MARCHF1: variants seen among roughly 807,000 people sequenced by gnomAD.
MARCHF1 encodes E3 ubiquitin-protein ligase MARCHF1.
Under a neutral mutation model 54.2 loss-of-function variants are expected in MARCHF1, and 40 were observed. The ratio of observed to expected loss-of-function variants is 0.74; its 90% confidence interval spans 0.57 to 0.96. The LOEUF is 0.96. MARCHF1 is among the 40% of genes least tolerant of loss of function. The pLI, the probability that MARCHF1 is intolerant of heterozygous loss-of-function variation, is 0.00. For missense variants in MARCHF1, 586 were observed against 656.5 expected (o/e 0.89, Z 1.17); for synonymous variants, 236 against 236.3 (o/e 1.00, Z 0.01).
chr4:164,370,660 G>A (rs1731012607), intron 1 of MARCHF1, among the ~76,000 whole-genome samples: 1 of 152,192 alleles, frequency 6.6e-6, no homozygotes. Flanking sequence ...TGTAATCCCA[G>A]CACTTTGGGA....
intron 8 of MARCHF1, chr4:163,584,128 G>A (rs1203423142): frequency 6.7e-6 from 1 of 150,274 alleles, no homozygotes; most frequent in Non-Finnish European, 1.5e-5. Flanking sequence ...TACTACAAAA[G>A]CTGGCGGTGG....
At chr4:163,891,548 AAAC>A (rs1385398197) in intron 3 of MARCHF1, among the ~76,000 whole-genome samples, 2 of 152,140 alleles carry the variant, frequency 1.3e-5, no homozygotes, top group African/African-American at 4.8e-5. Context: ...CACCGAAATG[AAAC>A]AACCACCAAA....
chr4:164,205,343 T>C (rs1457587203), intron 1 of MARCHF1, among the ~76,000 whole-genome samples: 4 of 152,318 alleles, frequency 2.6e-5, no homozygotes, highest in East Asian at 3.9e-4. Flanking sequence ...ATAGGCACTA[T>C]TGACACTTGT....
chr4:164,152,618 C>G (rs1003115847), intron 1 of MARCHF1, among the ~76,000 whole-genome samples: 1 of 152,292 alleles, frequency 6.6e-6, no homozygotes, highest in South Asian at 2.1e-4. Flanking sequence ...TCCCCTTCCC[C>G]CTTTGTTTTC....
At chr4:163,592,819 G>C (rs949668185) in intron 7 of MARCHF1, among the ~76,000 whole-genome samples, 5 of 151,986 alleles carry the variant, frequency 3.3e-5, no homozygotes, top group African/African-American at 1.2e-4. Context: ...GTGGGCCGGA[G>C]CCTCTTTGAA....
chr4:164,210,542 G>C (rs185268210), intron 1 of MARCHF1, among the ~76,000 whole-genome samples: 1 of 152,278 alleles, frequency 6.6e-6, no homozygotes, highest in Non-Finnish European at 1.5e-5. Flanking sequence ...ATGGGCTGGA[G>C]CTCTGAAGAT....
intron 2 of MARCHF1, among the ~76,000 whole-genome samples, chr4:164,005,916 C>T (rs1256867540): frequency 6.6e-6 from 1 of 152,052 alleles, no homozygotes; most frequent in Non-Finnish European, 1.5e-5. Context: ...TAAGGAATCA[C>T]CTAGAACCAA....
intron 5 of MARCHF1, among the ~76,000 whole-genome samples, chr4:163,677,047 A>T (rs939376877): frequency 6.6e-6 from 1 of 152,190 alleles, no homozygotes; most frequent in Non-Finnish European, 1.5e-5. Flanking sequence ...AAGGCATGAC[A>T]TAAGAATTTA....
At chr4:164,351,082 T>C (rs960700257) in intron 1 of MARCHF1, among the ~76,000 whole-genome samples, 4 of 152,152 alleles carry the variant, frequency 2.6e-5, no homozygotes, top group African/African-American at 9.6e-5. Context: ...CACCACAAGA[T>C]TATATCCCTC....
chr4:163,691,720 T>C (rs1480844442), intron 5 of MARCHF1, among the ~76,000 whole-genome samples: 1 of 152,158 alleles, frequency 6.6e-6, no homozygotes, highest in African/African-American at 2.4e-5. Context: ...AGAAGCTATG[T>C]TGAGGTGAAA....
chr4:164,203,076 T>C (rs954670474), intron 1 of MARCHF1, among the ~76,000 whole-genome samples: 2 of 152,038 alleles, frequency 1.3e-5, no homozygotes, highest in African/African-American at 4.8e-5. Context: ...CTCCTTGATA[T>C]AGACAATAGT....
Position 163,835,518 on chromosome 4 carries a change from T to C in MARCHF1, c.111+18503A>G, listed in dbSNP as rs372853462. Among the ~76,000 whole-genome samples, 21 of 152,332 alleles carry C rather than the reference T, an allele frequency of 1.4e-4. No individual in the cohort carries two copies. The South Asian group carries it at 4.1e-3, about 30-fold the overall frequency. On this transcript the variant is annotated intron_variant, in intron 4 of 9. Transcript: ENST00000514618. Reference sequence around the variant, plus strand: ...AAAATGTAGCCAATATTTCGAATTGTGTTCAAATAAGGCAAGCTCCAAACT... The same window carrying C: ...AAAATGTAGCCAATATTTCGAATTGCGTTCAAATAAGGCAAGCTCCAAACT...
intron 2 of MARCHF1, among the ~76,000 whole-genome samples, chr4:164,040,844 C>G (rs1754113372): frequency 6.6e-6 from 1 of 151,920 alleles, no homozygotes; most frequent in African/African-American, 2.4e-5. Context: ...TAAGGTTGGC[C>G]ATTTTCTAAG....
At chr4:164,218,740 T>C (rs1732004337) in intron 1 of MARCHF1, among the ~76,000 whole-genome samples, 1 of 150,472 alleles carries the variant, frequency 6.6e-6, no homozygotes, top group South Asian at 2.1e-4. Context: ...AGGAGATATA[T>C]CTAATGTTAA....
chr4:164,073,218 C>G (rs1036763471), intron 2 of MARCHF1, among the ~76,000 whole-genome samples: 3 of 152,060 alleles, frequency 2.0e-5, no homozygotes, highest in Admixed American at 6.5e-5. Flanking sequence ...TGGCACTGTT[C>G]GCAATAGCAA....
At chr4:164,350,896 G>A (rs186872576) in intron 1 of MARCHF1, among the ~76,000 whole-genome samples, 2 of 152,168 alleles carry the variant, frequency 1.3e-5, no homozygotes, top group Admixed American at 6.5e-5. Flanking sequence ...GCGCAGGCGA[G>A]TGGGTGCGTG....
intron 3 of MARCHF1, among the ~76,000 whole-genome samples, chr4:163,864,785 G>C (rs1214839927): frequency 6.6e-6 from 1 of 151,870 alleles, no homozygotes; most frequent in East Asian, 1.9e-4. Context: ...AGAAAAGTTT[G>C]TGTGTCCAAA....
At chr4:163,649,252 A>T (rs1291624263) in intron 5 of MARCHF1, among the ~76,000 whole-genome samples, 1 of 151,982 alleles carries the variant, frequency 6.6e-6, no homozygotes, top group African/African-American at 2.4e-5. Flanking sequence ...CCTCACATTG[A>T]CTTATATCAT....
chr4:164,367,521 C>T lies in MARCHF1; in HGVS notation c.-323+16349G>A, dbSNP rs1301721913. 2.6e-5 allele frequency among the ~76,000 whole-genome samples: 4 copies of T among 151,780 alleles called. No homozygotes were observed. The South Asian group carries it at 6.2e-4, about 24-fold the overall frequency. On this transcript the variant is annotated intron_variant, in intron 1 of 9. Coordinates refer to ENST00000514618, the MANE Select transcript of MARCHF1 (RefSeq NM_001394959.1). ...AAAAAGTTATTCCTAGAAATAACTT[C>T]GTTTTTATACTTTATTGTTTTAATA...
Sources: allele counts gnomAD v4.1 joint callset (sites outside exome capture counted in the v4.1 genomes callset), GRCh38; gene constraint gnomAD v4.1.1; transcripts MANE v1.5; gene names NCBI Gene and HGNC (gene_info 2026-07-23, HGNC 2026-07-21).